Variants in ABCA13 observed in about 807,000 individuals in gnomAD.
The protein encoded by ABCA13 is ATP-binding cassette sub-family A member 13.
In ABCA13, 476 loss-of-function variants were observed where a neutral mutation model predicts 478.7. That is an observed-to-expected ratio of 0.99 (90% CI 0.92 to 1.07). The LOEUF (loss-of-function observed/expected upper bound fraction) is 1.07, where lower values mean the gene tolerates loss of function less well. Among genes scored for constraint, ABCA13 ranks in the 50% least tolerant of loss-of-function variants. The probability of loss-of-function intolerance (pLI) is 0.00; values close to 1 mark genes in which losing one functional copy is unlikely to be tolerated. For synonymous variants in ABCA13, 2,252 were observed against 2,158.9 expected (o/e 1.04, Z -1.20); for missense variants, 6,060 against 5,910.6 (o/e 1.03, Z -0.83).
chr7:48,412,139 T>C (rs1379343750), intron 40 of ABCA13, among the ~76,000 whole-genome samples: 1 of 152,100 alleles, frequency 6.6e-6, no homozygotes, highest in Non-Finnish European at 1.5e-5. Context: ...GGGTGTGGCC[T>C]CACAAGGTTT....
intron 3 of ABCA13, among the ~76,000 whole-genome samples, chr7:48,206,797 TGTGA>T (rs1250669285): frequency 6.6e-6 from 1 of 152,080 alleles, no homozygotes; most frequent in African/African-American, 2.4e-5. Context: ...AGTGTGTGTG[TGTGA>T]GTGTGTTAGG....
chr7:48,522,165 A>C (rs1832588968), intron 53 of ABCA13, among the ~76,000 whole-genome samples: 2 of 152,164 alleles, frequency 1.3e-5, no homozygotes, highest in South Asian at 4.1e-4. Flanking sequence ...CTCATAATTG[A>C]ATCTTGCAAG....
chr7:48,461,578 G>C (rs1357042228), intron 43 of ABCA13, among the ~76,000 whole-genome samples: 1 of 152,186 alleles, frequency 6.6e-6, no homozygotes, highest in East Asian at 1.9e-4. Context: ...GTTTACCCAT[G>C]AGTGAATATA....
At chr7:48,211,930 T>C (rs1785719358) in intron 3 of ABCA13, among the ~76,000 whole-genome samples, 1 of 151,888 alleles carries the variant, frequency 6.6e-6, no homozygotes, top group South Asian at 2.1e-4. Flanking sequence ...GGAGGGTTGA[T>C]GTAAGCACTC....
intron 58 of ABCA13, among the ~76,000 whole-genome samples, chr7:48,601,993 A>T (rs1390951905): frequency 6.6e-5 from 10 of 152,032 alleles, no homozygotes; most frequent in Admixed American, 6.6e-4. Flanking sequence ...GCTTTTTTTC[A>T]TATGTTTGTT....
chr7:48,260,715 GTCT>G (rs1158197751), intron 15 of ABCA13, among the ~76,000 whole-genome samples: 2 of 151,914 alleles, frequency 1.3e-5, no homozygotes, highest in Admixed American at 6.6e-5. Context: ...ATGTATAAAT[GTCT>G]TCTTCTATTT....
intron 10 of ABCA13, among the ~76,000 whole-genome samples, chr7:48,243,488 G>A (rs572548271): frequency 7.7e-4 from 117 of 152,312 alleles, no homozygotes; most frequent in African/African-American, 2.7e-3. Context: ...CAGCCAGAAA[G>A]CCCAAGCATG....
chr7:48,521,686 T>C (rs1408068001), intron 53 of ABCA13, among the ~76,000 whole-genome samples: 1 of 152,192 alleles, frequency 6.6e-6, no homozygotes, highest in African/African-American at 2.4e-5. Flanking sequence ...ATCAAAAGAT[T>C]TTTCTTTAAA....
At chr7:48,470,834 A>G (rs1376540555) in intron 44 of ABCA13, among the ~76,000 whole-genome samples, 4 of 152,212 alleles carry the variant, frequency 2.6e-5, no homozygotes, top group Non-Finnish European at 5.9e-5. Flanking sequence ...TGGTAAAAAT[A>G]TCTAGCCGGT....
intron 58 of ABCA13, among the ~76,000 whole-genome samples, chr7:48,605,321 C>A (rs1052751381): frequency 1.6e-4 from 24 of 152,162 alleles, no homozygotes; most frequent in Non-Finnish European, 1.9e-4. Context: ...TTCTTCATAG[C>A]ATCGATGGTC....
chr7:48,575,335 A>G (rs1788060953), intron 55 of ABCA13, among the ~76,000 whole-genome samples: 1 of 152,114 alleles, frequency 6.6e-6, no homozygotes, highest in South Asian at 2.1e-4. Flanking sequence ...TTGATACTCT[A>G]AAGACTTAAA....
At chr7:48,413,638 A>T (rs1290498304) in intron 41 of ABCA13, among the ~76,000 whole-genome samples, 1 of 152,204 alleles carries the variant, frequency 6.6e-6, no homozygotes, top group East Asian at 1.9e-4. Flanking sequence ...CTGAACATTC[A>T]GTTGTGTTTT....
At chr7:48,558,865 C>T (rs558299475) in intron 55 of ABCA13, among the ~76,000 whole-genome samples, 1 of 152,148 alleles carries the variant, frequency 6.6e-6, no homozygotes, top group Admixed American at 6.6e-5. Context: ...AGTGTCTGGA[C>T]GTTGAAGAGT....
chr7:48,354,631 C>T (rs752383066), intron 31 of ABCA13, among the ~76,000 whole-genome samples: 2 of 152,006 alleles, frequency 1.3e-5, no homozygotes, highest in Non-Finnish European at 2.9e-5. Flanking sequence ...TCTTATTCTA[C>T]TACTGGGATA....
At chr7:48,395,727 A>G (rs925779848) in intron 38 of ABCA13, among the ~76,000 whole-genome samples, 5 of 152,214 alleles carry the variant, frequency 3.3e-5, no homozygotes, top group Admixed American at 1.3e-4. Context: ...GCTTTTTTAA[A>G]TAACATTTTT....
intron 38 of ABCA13, among the ~76,000 whole-genome samples, chr7:48,401,639 G>A (rs1376443059): frequency 6.6e-6 from 1 of 151,896 alleles, no homozygotes; most frequent in Non-Finnish European, 1.5e-5. Context: ...GACCATTTGT[G>A]CAATCTTGCA....
chr7:48,344,468 A>G (rs1475290382), intron 29 of ABCA13, among the ~76,000 whole-genome samples: 2 of 152,238 alleles, frequency 1.3e-5, no homozygotes, highest in Non-Finnish European at 2.9e-5. Flanking sequence ...TATACACTGA[A>G]TGGTGAACAA....
rs76980894 is a variant in ABCA13 at position 48,412,608 on chromosome 7, T to G, written c.12459+25T>G. ...GGTACTGAGAAAACTGAAGCGTGCT[T>G]TAATTATTTATGCCTTTTTGACCAG... On this transcript the variant is annotated intron_variant, in intron 41 of 61. Coordinates refer to ENST00000435803, the MANE Select transcript of ABCA13 (RefSeq NM_152701.5). 1,378 of 1,568,124 alleles carry G rather than the reference T, an allele frequency of 8.8e-4. 11 individuals carry two copies. The African/African-American group carries it at 0.016, about 18-fold the overall frequency.
intron 31 of ABCA13, among the ~76,000 whole-genome samples, chr7:48,356,847 A>C (rs1810003884): frequency 6.6e-6 from 1 of 152,040 alleles, no homozygotes; most frequent in African/African-American, 2.4e-5. Flanking sequence ...AAGGAATTCA[A>C]ATGTTAATGT....
Sources: allele counts gnomAD v4.1 joint callset (sites outside exome capture counted in the v4.1 genomes callset), GRCh38; gene constraint gnomAD v4.1.1; transcripts MANE v1.5; gene names NCBI Gene and HGNC (gene_info 2026-07-23, HGNC 2026-07-21).